The following GNA12 variants were observed in gnomAD, a reference collection of about 807,000 sequenced individuals.
The protein encoded by GNA12 is G protein subunit alpha 12.
GNA12 carries 9 observed loss-of-function variants against 26.0 expected under a neutral mutation model. The observed-to-expected ratio is 0.35, with a 90% CI of 0.21 to 0.60. The LOEUF (loss-of-function observed/expected upper bound fraction) is 0.60. Ranked by LOEUF, GNA12 falls within the 20% of genes least tolerant of loss-of-function variation. The pLI is 0.78. For missense variants in GNA12, 405 were observed against 525.8 expected, an observed-to-expected ratio of 0.77 and a Z score of 2.25; for synonymous variants, 264 against 219.6, an observed-to-expected ratio of 1.20 and a Z score of -1.79.
At chr7:2,776,863 T>C (rs1792090911) in intron 2 of GNA12, among the ~76,000 whole-genome samples, 1 of 152,120 alleles carries the variant, frequency 6.6e-6, no homozygotes, top group Non-Finnish European at 1.5e-5. Context: ...GGTGGGAGGA[T>C]CACTTGAACC....
rs1778966542 is a variant in GNA12, at chr7:2,840,704, G to A, written c.309+3149C>T. ...TGAGACCCCATCTCTACAAAAATGA[G>A]CTGGGTGTGGTGGTACACACCTACA... On this transcript the variant is annotated intron_variant, in intron 1 of 3. Transcript: ENST00000275364. Among the ~76,000 whole-genome samples, 2 of 152,082 alleles carry A rather than the reference G, an allele frequency of 1.3e-5. 1 individual carries two copies. Among genetic ancestry groups the A allele is most frequent in the African/African-American group, 4.8e-5 (2 of 41,402 alleles).
chr7:2,809,232 C>T (rs137974815), intron 1 of GNA12, among the ~76,000 whole-genome samples: 29 of 152,198 alleles, frequency 1.9e-4, no homozygotes, highest in Middle Eastern at 3.4e-3. Flanking sequence ...TCCCCAGGGC[C>T]GGCACAGAGC....
chr7:2,819,779 T>C (rs1793304758), intron 1 of GNA12, among the ~76,000 whole-genome samples: 2 of 152,202 alleles, frequency 1.3e-5, no homozygotes, highest in African/African-American at 4.8e-5. Flanking sequence ...GACGTTATAT[T>C]GGTGGGAACA....
intron 2 of GNA12, among the ~76,000 whole-genome samples, chr7:2,786,846 G>A (rs899504312): frequency 3.9e-5 from 6 of 152,124 alleles, no homozygotes; most frequent in Admixed American, 1.3e-4. Flanking sequence ...TGCCCATCTC[G>A]AGACCTGAAG....
chr7:2,792,283 G>C (rs1792539882), intron 2 of GNA12, among the ~76,000 whole-genome samples: 1 of 152,342 alleles, frequency 6.6e-6, no homozygotes, highest in African/African-American at 2.4e-5. Context: ...ACTGGGCTTT[G>C]AGGCCCAAAT....
intron 2 of GNA12, among the ~76,000 whole-genome samples, chr7:2,783,295 GATCC>G (rs1250572194): frequency 3.3e-5 from 5 of 152,180 alleles, no homozygotes. Flanking sequence ...CTTTAAACTG[GATCC>G]ATCGCACAGG....
intron 2 of GNA12, chr7:2,794,667 G>C (rs17132725): frequency 0.012 from 6,060 of 495,254 alleles, 86 homozygotes; most frequent in African/African-American, 0.049. Context: ...TTGTGCCAAT[G>C]CTGATGATTC....
At chr7:2,805,281 T>G (rs1257788000) in intron 1 of GNA12, among the ~76,000 whole-genome samples, 1 of 152,256 alleles carries the variant, frequency 6.6e-6, no homozygotes, top group African/African-American at 2.4e-5. Context: ...CACTGTCCAT[T>G]AGCTCATTTA....
chr7:2,810,619 G>C (rs765987945), intron 1 of GNA12, among the ~76,000 whole-genome samples: 3 of 152,114 alleles, frequency 2.0e-5, no homozygotes, highest in Non-Finnish European at 4.4e-5. Context: ...AGAAAAGTCC[G>C]GGCACAGTGG....
chr7:2,774,273 A>G (rs1389990337), intron 2 of GNA12, among the ~76,000 whole-genome samples: 2 of 152,130 alleles, frequency 1.3e-5, no homozygotes, highest in Non-Finnish European at 2.9e-5. Context: ...GCATGCATAT[A>G]TATGTGTGTA....
intron 2 of GNA12, among the ~76,000 whole-genome samples, chr7:2,777,257 C>T (rs138243219): frequency 2.0e-5 from 3 of 152,186 alleles, no homozygotes; most frequent in African/African-American, 7.2e-5. Context: ...CAGAGGGTAA[C>T]GGAATGAATA....
chr7:2,731,860 C>G lies in GNA12; in HGVS notation c.577-110G>C. 1 of 585,082 alleles carries G rather than the reference C, an allele frequency of 1.7e-6. No individual in the cohort carries two copies. Among genetic ancestry groups the G allele is most frequent in the South Asian group, 3.3e-5 (1 of 29,988 alleles). The allele number at this position is 585,082 out of a possible 1,614,324, so 36.2% of individuals were successfully genotyped here. A position where few individuals can be genotyped will look rare whatever the true frequency, so the allele number is the denominator to read the frequency against. ...GAAGGAAAGAGACTGACTTTTGCAA[C>G]AGGTTGAACCAGAAACCAAAAGCAA... On this transcript the variant is annotated intron_variant, in intron 3 of 3. Coordinates refer to ENST00000275364, the MANE Select transcript of GNA12 (RefSeq NM_007353.3). This position sits in a 1 kb window ranked among gnomAD's most constrained non-coding sequence, Gnocchi z 6.0.
intron 2 of GNA12, among the ~76,000 whole-genome samples, chr7:2,788,127 C>G (rs1482526947): frequency 2.0e-5 from 3 of 151,654 alleles, no homozygotes; most frequent in Admixed American, 2.0e-4. Flanking sequence ...GCACTCCAGC[C>G]TGGGCAACAG....
intron 2 of GNA12, among the ~76,000 whole-genome samples, chr7:2,769,677 G>A (rs1334514918): frequency 6.6e-6 from 1 of 152,018 alleles, no homozygotes; most frequent in Non-Finnish European, 1.5e-5. Context: ...AGCTTGCAGT[G>A]AGCCGAGATC....
intron 2 of GNA12, among the ~76,000 whole-genome samples, chr7:2,789,196 C>A (rs1207150609): frequency 8.5e-6 from 1 of 117,216 alleles, no homozygotes; most frequent in Admixed American, 1.0e-4. Flanking sequence ...AGTGCAGTGG[C>A]GGGATCTCGG....
At position 2,759,880 on chromosome 7, in the gene GNA12, G is replaced by A. The variant is rs574473161; in HGVS notation, c.526-26379C>T. ...GTCCGCCCCCGTCTCAGAGCCCCACGGCCAGCTGAGGTCCTTTGAAAAGCT... is the reference window on the plus strand; with the variant it reads ...GTCCGCCCCCGTCTCAGAGCCCCACAGCCAGCTGAGGTCCTTTGAAAAGCT... On this transcript the variant is annotated intron_variant, in intron 2 of 3. Transcript: ENST00000275364. Among the ~76,000 whole-genome samples the A allele has an allele frequency of 7.9e-5, 12 of 152,304 alleles. No individual in the cohort carries two copies. In the South Asian group the frequency reaches 1.9e-3, roughly 24 times the overall value.
intron 1 of GNA12, among the ~76,000 whole-genome samples, chr7:2,799,011 CA>C (rs898870085): frequency 6.6e-6 from 1 of 152,096 alleles, no homozygotes; most frequent in African/African-American, 2.4e-5. Context: ...ACAGCTTATA[CA>C]AAATCAAATC....
At chr7:2,791,809 C>T (rs1792526781) in intron 2 of GNA12, among the ~76,000 whole-genome samples, 1 of 152,186 alleles carries the variant, frequency 6.6e-6, no homozygotes, top group Admixed American at 6.5e-5. Flanking sequence ...ATTTTGACAA[C>T]AACGACTATT....
chr7:2,764,817 C>G (rs570244000), intron 2 of GNA12: 13 of 152,378 alleles, frequency 8.5e-5, no homozygotes, highest in African/African-American at 3.1e-4. Context: ...GAAGGGAACA[C>G]TGAGACTGAC....
Sources: gnomAD v4.1 joint callset for allele counts (sites outside exome capture counted in the v4.1 genomes callset) on GRCh38, gnomAD v4.1.1 for gene constraint, Gnocchi (gnomAD v3.1) non-coding constraint, MANE v1.5 for transcripts, NCBI Gene and HGNC (gene_info 2026-07-23, HGNC 2026-07-21) for gene names.